RAP1GAP2: variants seen among roughly 807,000 people sequenced by gnomAD.
The protein encoded by RAP1GAP2 is RAP1 GTPase activating protein 2, also known as rap1 GTPase-activating protein 2.
Under a neutral mutation model 95.0 loss-of-function variants are expected in RAP1GAP2, and 27 were observed. The ratio of observed to expected loss-of-function variants is 0.28; its 90% CI spans 0.21 to 0.39. The LOEUF is 0.39. RAP1GAP2 is among the 10% of genes least tolerant of loss of function. The pLI, the probability that RAP1GAP2 is intolerant of heterozygous loss-of-function variation, is 1.00. For missense variants in RAP1GAP2, 771 were observed against 970.0 expected (o/e 0.79, Z 2.72); for synonymous variants, 373 against 380.9 (o/e 0.98, Z 0.24).
intron 1 of RAP1GAP2, among the ~76,000 whole-genome samples, chr17:2,790,931 G>A (rs1387238606): frequency 2.6e-5 from 4 of 152,342 alleles, no homozygotes; most frequent in Non-Finnish European, 4.4e-5. Flanking sequence ...CGCTGCGAGC[G>A]CCGTGGCTCA....
At chr17:2,836,057 G>A (rs1454939539) in intron 2 of RAP1GAP2, among the ~76,000 whole-genome samples, 1 of 152,118 alleles carries the variant, frequency 6.6e-6, no homozygotes, top group Non-Finnish European at 1.5e-5. Context: ...GTGCATCTGG[G>A]TGTTAGGAGG....
chr17:2,992,180 TG>T (rs1458362172), intron 12 of RAP1GAP2, among the ~76,000 whole-genome samples: 244 of 150,150 alleles, frequency 1.6e-3, no homozygotes, highest in African/African-American at 5.7e-3. Flanking sequence ...TTTTTTTTTT[TG>T]AGATGGAGTC....
intron 8 of RAP1GAP2, among the ~76,000 whole-genome samples, chr17:2,977,747 A>T (rs1340067696): frequency 2.4e-5 from 1 of 41,174 alleles, no homozygotes. Flanking sequence ...ACTCCGTCTT[A>T]AAAAAAAAAA....
At chr17:2,756,523 C>G (rs1418400122) in intron 1 of RAP1GAP2, among the ~76,000 whole-genome samples, 1 of 152,198 alleles carries the variant, frequency 6.6e-6, no homozygotes, top group Non-Finnish European at 1.5e-5. Context: ...AGCCAGGGGC[C>G]TGACCTCTGC....
chr17:2,930,233 C>T (rs1236497451), intron 3 of RAP1GAP2, among the ~76,000 whole-genome samples: 1 of 152,220 alleles, frequency 6.6e-6, no homozygotes, highest in Non-Finnish European at 1.5e-5. Flanking sequence ...TACAGTGGCT[C>T]ACCAGGCCCC....
At chr17:2,954,177 T>G (rs1202116175) in intron 3 of RAP1GAP2, among the ~76,000 whole-genome samples, 1 of 152,196 alleles carries the variant, frequency 6.6e-6, no homozygotes, top group Non-Finnish European at 1.5e-5. Context: ...CGATCTTGGC[T>G]CACTGCAGGC....
chr17:2,848,735 A>C (rs979332209), intron 2 of RAP1GAP2, among the ~76,000 whole-genome samples: 3 of 152,038 alleles, frequency 2.0e-5, no homozygotes, highest in African/African-American at 4.8e-5. Context: ...GCTGGTCTCG[A>C]ACTCCTGGCC....
At chr17:2,883,345 C>T (rs940815888) in intron 2 of RAP1GAP2, among the ~76,000 whole-genome samples, 1 of 152,200 alleles carries the variant, frequency 6.6e-6, no homozygotes, top group African/African-American at 2.4e-5. Flanking sequence ...GCATTTCTCT[C>T]GGGGTTCTGG....
At chr17:2,955,742 TACTG>T (rs2044083459) in intron 3 of RAP1GAP2, among the ~76,000 whole-genome samples, 1 of 152,232 alleles carries the variant, frequency 6.6e-6, no homozygotes, top group South Asian at 2.1e-4. Flanking sequence ...TTCTATTTCT[TACTG>T]AGTCAGTTGT....
chr17:2,840,439 A>T lies in RAP1GAP2; in HGVS notation c.80+39889A>T, dbSNP rs1358881161. Among the ~76,000 whole-genome samples, 3 of 152,276 alleles carry T rather than the reference A, an allele frequency of 2.0e-5. No homozygotes were observed. The East Asian group carries it at 5.8e-4, about 29-fold the overall frequency. On this transcript the variant is annotated intron_variant, in intron 2 of 24. Transcript: ENST00000254695. ...TGGCCTCCCAAAGTGTTGGGATTAC[A>T]GGCGTGAGCCACAGTGCCCGGCTGT...
chr17:2,979,277 A>G (rs2045253139), intron 8 of RAP1GAP2, among the ~76,000 whole-genome samples: 1 of 152,152 alleles, frequency 6.6e-6, no homozygotes, highest in Admixed American at 6.5e-5. Flanking sequence ...GTAAGCCCAG[A>G]TTTTGAAATA....
At chr17:2,813,297 G>A (rs993467821) in intron 2 of RAP1GAP2, among the ~76,000 whole-genome samples, 1 of 152,000 alleles carries the variant, frequency 6.6e-6, no homozygotes, top group Non-Finnish European at 1.5e-5. Flanking sequence ...GGCTGACCTC[G>A]AACTCCTGAC....
At chr17:3,026,889 G>A (rs1293035766) in intron 21 of RAP1GAP2, 55 bp from the exon 22 acceptor site, 24 of 1,529,844 alleles carry the variant, frequency 1.6e-5, no homozygotes, top group East Asian at 1.2e-4. Context: ...TCAGGCCTGC[G>A]TGGGCGCAGC....
At chr17:2,841,015 T>C (rs984496853) in intron 2 of RAP1GAP2, among the ~76,000 whole-genome samples, 5 of 142,104 alleles carry the variant, frequency 3.5e-5, no homozygotes, top group Non-Finnish European at 6.1e-5. Flanking sequence ...AAAAGACCGG[T>C]GTGGTGGCTC....
At chr17:2,979,085 A>G (rs148840393) in intron 8 of RAP1GAP2, among the ~76,000 whole-genome samples, 356 of 152,362 alleles carry the variant, frequency 2.3e-3, no homozygotes, top group African/African-American at 8.0e-3. Context: ...ACGGCTCAAC[A>G]GAAATGTAAT....
intron 3 of RAP1GAP2, among the ~76,000 whole-genome samples, chr17:2,921,738 G>A (rs2042785742): frequency 6.6e-6 from 1 of 151,900 alleles, no homozygotes; most frequent in Non-Finnish European, 1.5e-5. Flanking sequence ...GGTGTCAGCA[G>A]GACCGTTAAG....
At chr17:2,872,163 G>A (rs2072872218) in intron 2 of RAP1GAP2, among the ~76,000 whole-genome samples, 1 of 133,612 alleles carries the variant, frequency 7.5e-6, no homozygotes, top group Non-Finnish European at 1.6e-5. Flanking sequence ...GCAGTAAGCT[G>A]AGATTGCACC....
At chr17:2,887,435 C>T (rs539591380) in intron 2 of RAP1GAP2, among the ~76,000 whole-genome samples, 1 of 149,438 alleles carries the variant, frequency 6.7e-6, no homozygotes, top group African/African-American at 2.5e-5. Flanking sequence ...AGTGCAATGG[C>T]GTGATCTCGG....
intron 2 of RAP1GAP2, among the ~76,000 whole-genome samples, chr17:2,888,652 CTTTT>C (rs59994615): frequency 7.7e-5 from 8 of 103,994 alleles, no homozygotes; most frequent in Admixed American, 2.0e-4. Context: ...TTTTCTTTTT[CTTTT>C]TTTTTTTTTT....
Sources: allele counts gnomAD v4.1 joint callset (sites outside exome capture counted in the v4.1 genomes callset), GRCh38; gene constraint gnomAD v4.1.1; transcripts MANE v1.5; gene names NCBI Gene and HGNC (gene_info 2026-07-23, HGNC 2026-07-21).